Variants in SEMA6D observed in about 807,000 individuals in gnomAD.
The protein encoded by SEMA6D is semaphorin-6D.
SEMA6D carries 35 observed loss-of-function variants against 106.6 expected under a neutral mutation model. The observed-to-expected ratio is 0.33, with a 90% CI of 0.25 to 0.44. The LOEUF (loss-of-function observed/expected upper bound fraction) is 0.44. Ranked by LOEUF, SEMA6D falls within the 20% of genes least tolerant of loss-of-function variation. The pLI, the probability that SEMA6D is intolerant of heterozygous loss-of-function variation, is 1.00. For missense variants in SEMA6D, 1,185 were observed against 1,345.9 expected, an observed-to-expected ratio of 0.88 and a Z score of 1.87; for synonymous variants, 499 against 487.7, an observed-to-expected ratio of 1.02 and a Z score of -0.31.
intron 1 of SEMA6D, among the ~76,000 whole-genome samples, chr15:47,208,304 C>G (rs1039566626): frequency 8.5e-5 from 13 of 152,072 alleles, no homozygotes; most frequent in African/African-American, 3.1e-4. Context: ...TATTACCTAT[C>G]TTTATTATCA....
In SEMA6D at chr15:47,771,350, A is replaced by C; in HGVS notation, c.2787A>C (p.Leu929=). ...AAGTCCCTAACCGGGAGGCATCGCT[A>C]TACTCCCCTCCTTCAACTCTCCCCA... is the stretch of plus-strand genomic sequence containing the variant. ...PPKVPNREAS[L]YSPPSTLPRN... Residue 929 remains leucine, a synonymous_variant, in exon 19 of 19, where the codon CTA becomes CTC. Coordinates refer to ENST00000536845, the MANE Select transcript of SEMA6D (RefSeq NM_001358351.3). 1 of 1,613,954 alleles carries C rather than the reference A, an allele frequency of 6.2e-7. No individual in the cohort carries two copies. Among genetic ancestry groups the C allele is most frequent in the Non-Finnish European group, 8.5e-7 (1 of 1,179,956 alleles).
At chr15:47,201,752 C>T (rs1894738807) in intron 1 of SEMA6D, among the ~76,000 whole-genome samples, 1 of 152,036 alleles carries the variant, frequency 6.6e-6, no homozygotes, top group Non-Finnish European at 1.5e-5. Flanking sequence ...GTGGAGTGTC[C>T]CACCTCAGGA....
At chr15:47,440,590 G>C (rs143649553) in intron 2 of SEMA6D, among the ~76,000 whole-genome samples, 1 of 151,782 alleles carries the variant, frequency 6.6e-6, no homozygotes, top group African/African-American at 2.4e-5. Context: ...GAGATGGAAG[G>C]ACCACTTTTC....
In SEMA6D at chr15:47,655,709, G is replaced by A. The variant is rs911263775; in HGVS notation, c.-55+54813G>A. Among the ~76,000 whole-genome samples the A allele has an allele frequency of 7.2e-5, 11 of 152,312 alleles. No homozygotes were observed. In the East Asian group the frequency reaches 1.4e-3, roughly 19 times the overall value. ...TGTTCTTGAAGCTCTCTATTAAAAA[G>A]CATCTCTACACCTTAGCTTTTTCAT... On this transcript the variant is annotated intron_variant, in intron 4 of 19. Coordinates refer to the SEMA6D transcript ENST00000558014.
At chr15:47,304,044 G>T (rs1244982629) in intron 1 of SEMA6D, among the ~76,000 whole-genome samples, 1 of 152,138 alleles carries the variant, frequency 6.6e-6, no homozygotes, top group Non-Finnish European at 1.5e-5. Context: ...CCATCTTAGG[G>T]ATTCAGATTA....
At chr15:47,756,789 A>G (rs2081767336) in intron 1 of SEMA6D, among the ~76,000 whole-genome samples, 1 of 152,214 alleles carries the variant, frequency 6.6e-6, no homozygotes, top group South Asian at 2.1e-4. Flanking sequence ...CCTTCCTGGT[A>G]CATTGCTTTC....
intron 2 of SEMA6D, among the ~76,000 whole-genome samples, chr15:47,439,042 A>G (rs2041807114): frequency 6.6e-6 from 1 of 152,066 alleles, no homozygotes; most frequent in African/African-American, 2.4e-5. Context: ...TTCACCAGCT[A>G]AAAGAAATAA....
At chr15:47,348,727 C>CAGAG (rs55719976) in intron 1 of SEMA6D, among the ~76,000 whole-genome samples, 2,138 of 56,780 alleles carry the variant, frequency 0.038, 129 homozygotes, top group East Asian at 0.24. Context: ...ACCACACACA[C>CAGAG]AGAGAGAGAG....
rs573123731 is a variant in SEMA6D at position 47,511,528 on chromosome 15, A to C, written c.-87+40983A>C. Among the ~76,000 whole-genome samples the C allele has an allele frequency of 3.3e-5, 5 of 151,456 alleles. No individual in the cohort carries two copies. In the South Asian group the frequency reaches 1.0e-3, roughly 31 times the overall value. On this transcript the variant is annotated intron_variant, in intron 3 of 19. Coordinates refer to the SEMA6D transcript ENST00000558014. ...GTTTTCACTACCCCCCTCCTGCCACATGTGTTAGGTTGCTCCTATATCTTG... is the reference window on the plus strand; with the variant it reads ...GTTTTCACTACCCCCCTCCTGCCACCTGTGTTAGGTTGCTCCTATATCTTG...
At chr15:47,222,724 C>T (rs2031313825) in intron 1 of SEMA6D, among the ~76,000 whole-genome samples, 1 of 152,130 alleles carries the variant, frequency 6.6e-6, no homozygotes, top group Non-Finnish European at 1.5e-5. Flanking sequence ...CTCTGGTTCC[C>T]TACTAATTAA....
rs186874026 is a variant in SEMA6D, at chr15:47,386,212, A to G, written c.-238-26181A>G. ...ACCATAATTTAAGGTAAAATGACTT[A>G]TATATCCTCAAAGTGGTGAAGATAA... is the stretch of plus-strand genomic sequence containing the variant. On this transcript the variant is annotated intron_variant, in intron 1 of 19. Transcript: ENST00000558014. Among the ~76,000 whole-genome samples, 529 of 152,326 alleles carry G rather than the reference A, an allele frequency of 3.5e-3. 2 individuals carry two copies. The highest frequency in any genetic ancestry group is 4.1e-3 in the South Asian group (20 of 4,828).
At chr15:47,464,186 C>CT (rs892373394) in intron 2 of SEMA6D, among the ~76,000 whole-genome samples, 8 of 151,920 alleles carry the variant, frequency 5.3e-5, no homozygotes, top group Admixed American at 6.6e-5. Context: ...GAGATTTTAA[C>CT]TTTTTTTTAG....
intron 1 of SEMA6D, among the ~76,000 whole-genome samples, chr15:47,328,163 C>G (rs555349841): frequency 6.6e-6 from 1 of 152,056 alleles, no homozygotes; most frequent in Non-Finnish European, 1.5e-5. Flanking sequence ...AGACAAAAAC[C>G]AATTTTAAAT....
At chr15:47,262,971 G>T (rs568850390) in intron 1 of SEMA6D, among the ~76,000 whole-genome samples, 1 of 152,078 alleles carries the variant, frequency 6.6e-6, no homozygotes, top group Non-Finnish European at 1.5e-5. Flanking sequence ...TCAATAAATG[G>T]TGCTGGGATA....
At chr15:47,556,727 C>G (rs1318072415) in intron 3 of SEMA6D, among the ~76,000 whole-genome samples, 2 of 152,112 alleles carry the variant, frequency 1.3e-5, no homozygotes, top group Non-Finnish European at 2.9e-5. Flanking sequence ...GCCTCCCTTC[C>G]CAACAGAGTG....
chr15:47,623,690 T>C (rs1348427561), intron 4 of SEMA6D, among the ~76,000 whole-genome samples: 1 of 152,190 alleles, frequency 6.6e-6, no homozygotes, highest in Non-Finnish European at 1.5e-5. Context: ...TTATGTATCT[T>C]CTTTCATGTA....
intron 3 of SEMA6D, among the ~76,000 whole-genome samples, chr15:47,504,427 A>G (rs1322312667): frequency 2.0e-5 from 3 of 151,590 alleles, no homozygotes; most frequent in Admixed American, 6.6e-5. Context: ...TGCTCATCCA[A>G]CCCCATGGCG....
intron 3 of SEMA6D, among the ~76,000 whole-genome samples, chr15:47,497,758 A>G (rs551841987): frequency 6.6e-6 from 1 of 152,056 alleles, no homozygotes; most frequent in East Asian, 1.9e-4. Flanking sequence ...AGTATCTTCT[A>G]ATTCTGTAAA....
intron 3 of SEMA6D, among the ~76,000 whole-genome samples, chr15:47,556,549 C>T (rs1195733620): frequency 6.6e-6 from 1 of 152,000 alleles, no homozygotes; most frequent in Non-Finnish European, 1.5e-5. Flanking sequence ...GTTTCTTGGC[C>T]TTCCTAGTAT....
Sources: allele counts gnomAD v4.1 joint callset (sites outside exome capture counted in the v4.1 genomes callset), GRCh38; gene constraint gnomAD v4.1.1; transcripts MANE v1.5; gene names NCBI Gene and HGNC (gene_info 2026-07-23, HGNC 2026-07-21).